CCT2: variants seen among roughly 807,000 people sequenced by gnomAD.
The protein encoded by CCT2 is T-complex protein 1 subunit beta.
CCT2 carries 18 observed loss-of-function variants against 61.8 expected under a neutral mutation model. The ratio of observed to expected loss-of-function variants is 0.29; its 90% CI spans 0.20 to 0.43. The LOEUF is 0.43. CCT2 is among the 20% of genes least tolerant of loss of function. CCT2 has a pLI of 1.00. For synonymous variants in CCT2, 248 were observed against 215.9 expected, an observed-to-expected ratio of 1.15 and a Z score of -1.30; for missense variants, 556 against 656.9, an observed-to-expected ratio of 0.85 and a Z score of 1.68.
rs752528616 is a variant in CCT2 at position 69,597,150 on chromosome 12, T to A, written c.983-6T>A. The A allele has an allele frequency of 6.2e-7, 1 of 1,613,444 alleles. No homozygotes were observed. Among genetic ancestry groups the A allele is most frequent in the South Asian group, 1.1e-5 (1 of 91,020 alleles). ...GCATTTAACTAATACATGTTTATGT[T>A]TATAGGTGGTGAAATTGCCTCTACC... On this transcript the variant is annotated splice_polypyrimidine_tract_variant and splice_region_variant and intron_variant, in intron 10 of 15. Coordinates refer to ENST00000299300, the MANE Select transcript of CCT2 (RefSeq NM_006431.3).
At chr12:69,599,785 A>G in intron 14 of CCT2, 78 bp from the exon 15 acceptor site, 1 of 1,222,114 alleles carries the variant, frequency 8.2e-7, no homozygotes, top group South Asian at 1.5e-5. Flanking sequence ...AATAGGATTA[A>G]TTTTTATTAT....
Position 69,588,156 on chromosome 12 carries a change from G to C in CCT2, c.340G>C (p.Glu114Gln). 1 of 1,612,902 alleles carries C rather than the reference G, an allele frequency of 6.2e-7. No individual in the cohort carries two copies. Among genetic ancestry groups the C allele is most frequent in the South Asian group, 1.1e-5 (1 of 90,960 alleles). The change falls in exon 6 of 16, where the codon GAA becomes CAA. Residue 114 changes from glutamate (E) to glutamine (Q), a missense_variant. Glu to Gln is a conservative substitution (Grantham distance 29). This residue lies in a region of CCT2 where 308 missense variants were observed against 350.6 expected (regional missense o/e 0.88). Transcript: ENST00000299300. ...VLAAELLREA[E>Q]SLIAKKIHPQ... is the part of the protein sequence containing the mutation. ...TTTATAACTTTATTAATAGGAAGCA[G>C]AATCTTTAATTGCAAAAAAGATTCA...
intron 1 of CCT2, 184 bp downstream of exon 1, chr12:69,585,708 G>T (rs564805236): frequency 3.4e-6 from 5 of 1,484,470 alleles, no homozygotes; most frequent in Non-Finnish European, 4.5e-6. Flanking sequence ...CTCACCACGA[G>T]GGGGAGGGGT....
At chr12:69,586,876 TATA>T (rs1049138137) in intron 3 of CCT2, 58 bp downstream of exon 3, 12 of 1,013,896 alleles carry the variant, frequency 1.2e-5, no homozygotes, top group East Asian at 2.5e-5. Flanking sequence ...TTGGTGGAAA[TATA>T]ATAACAAGCG....
At chr12:69,597,056 T>G (rs1385672091) in intron 10 of CCT2, 100 bp from the exon 11 acceptor site, 1 of 1,064,864 alleles carries the variant, frequency 9.4e-7, no homozygotes. Context: ...TTTTAAAATG[T>G]GAAACACATT....
intron 7 of CCT2, 25 bp from the exon 8 acceptor site, chr12:69,592,031 TATG>T: frequency 8.0e-7 from 1 of 1,246,390 alleles, no homozygotes; most frequent in Non-Finnish European, 1.2e-6. Context: ...AAGTATTAAA[TATG>T]ATACTGTTCT....
Position 69,598,355 on chromosome 12 carries a change from G to C in CCT2, c.1369G>C (p.Asp457His). Residue 457 changes from aspartate to histidine, a missense_variant, in exon 14 of 16, where the codon GAC becomes CAC. Transcript: ENST00000299300. ...PTIIADNAGYDSADLVAQLRA... is the reference protein window; with the variant it reads ...PTIIADNAGYHSADLVAQLRA... ...CATCATAGCTGACAATGCAGGCTAT[G>C]ACAGTGCAGACCTGGTGGCACAGCT... The C allele has an allele frequency of 6.2e-7, 1 of 1,603,948 alleles. No individual in the cohort carries two copies.
chr12:69,586,944 C>T (rs894140867), intron 3 of CCT2, 126 bp downstream of exon 3: 2 of 585,502 alleles, frequency 3.4e-6, no homozygotes, highest in African/African-American at 1.9e-5. Flanking sequence ...CAAGTATGTT[C>T]TCCTTAGTAA....
chr12:69,598,817 G>T (rs1882069464), intron 14 of CCT2, among the ~76,000 whole-genome samples: 1 of 152,142 alleles, frequency 6.6e-6, no homozygotes, highest in Non-Finnish European at 1.5e-5. Flanking sequence ...CTAGTCCATA[G>T]ATAAAAGTGG....
intron 6 of CCT2, 24 bp from the exon 7 acceptor site, chr12:69,589,461 G>T (rs1490518191): frequency 3.2e-6 from 5 of 1,570,416 alleles, no homozygotes; most frequent in Non-Finnish European, 4.4e-6. Flanking sequence ...GGGTTAATAT[G>T]TATATTTGGT....
chr12:69,586,642 T>G lies in CCT2; in HGVS notation c.79-111T>G, dbSNP rs1049634518. ...GAGATCGCGCCATTGCACTCCAGCC[T>G]GGGCGACAGAGCGACACTCTGCCTC... is the stretch of plus-strand genomic sequence containing the variant. On this transcript the variant is annotated intron_variant, in intron 2 of 15. Coordinates refer to ENST00000299300, the MANE Select transcript of CCT2 (RefSeq NM_006431.3). 5.0e-6 allele frequency: 4 copies of G among 795,882 alleles called. No individual in the cohort carries two copies. The African/African-American group carries it at 5.3e-5, about 11-fold the overall frequency. The allele number at this position is 795,882 out of a possible 1,614,324, so 49.3% of individuals were successfully genotyped here. A position where few individuals can be genotyped will look rare whatever the true frequency, so the allele number is the denominator to read the frequency against.
chr12:69,587,544 A>G lies in CCT2; in HGVS notation c.184A>G (p.Met62Val), dbSNP rs528348784. 19 of 1,613,766 alleles carry G rather than the reference A, an allele frequency of 1.2e-5. No individual in the cohort carries two copies. The highest frequency in any genetic ancestry group is 3.3e-5 in the Admixed American group (2 of 60,030). ...AAGCAGTGGACGAGATGCCTCTCTT[A>G]TGGTAACCAATGATGGTGCCACTAT... is the stretch of plus-strand genomic sequence containing the variant. ...LLSSGRDASLMVTNDGATILK... is the reference protein window; with the variant it reads ...LLSSGRDASLVVTNDGATILK... The change falls in exon 4 of 16, where the codon ATG becomes GTG. Residue 62 changes from methionine (M) to valine (V), a missense_variant. Around this residue, in one of 3 missense-constraint regions of CCT2, gnomAD observed 308 missense variants for 350.6 expected, o/e 0.88. Transcript: ENST00000299300.
intron 14 of CCT2, 175 bp from the exon 15 acceptor site, chr12:69,599,688 C>G (rs1882093244): frequency 4.3e-6 from 2 of 461,498 alleles, no homozygotes; most frequent in Admixed American, 3.9e-5. Context: ...CACCCGGCCC[C>G]TTTTAATTTT....
intron 10 of CCT2, among the ~76,000 whole-genome samples, chr12:69,594,350 G>GC (rs1881925440): frequency 6.6e-6 from 1 of 152,140 alleles, no homozygotes; most frequent in African/African-American, 2.4e-5. Context: ...TTTACTGTGT[G>GC]CTGGAGAGTG....
intron 6 of CCT2, 192 bp from the exon 7 acceptor site, chr12:69,589,292 TG>T: frequency 3.9e-6 from 2 of 518,780 alleles, no homozygotes; most frequent in African/African-American, 2.1e-5. Flanking sequence ...CTTTTTTTTT[TG>T]GCATTTTGCC....
intron 15 of CCT2, among the ~76,000 whole-genome samples, chr12:69,600,526 C>G (rs576037599): frequency 1.9e-4 from 29 of 152,302 alleles, no homozygotes; most frequent in African/African-American, 7.0e-4. Flanking sequence ...TGAATTTTAA[C>G]TCAGCCTTCC....
intron 7 of CCT2, among the ~76,000 whole-genome samples, chr12:69,591,119 C>T (rs1408576062): frequency 6.6e-6 from 1 of 152,152 alleles, no homozygotes; most frequent in Admixed American, 6.5e-5. Context: ...CTGCTCTGTA[C>T]TAGGAATTGT....
chr12:69,587,803 G>C (rs1881709731), intron 4 of CCT2, 127 bp from the exon 5 acceptor site: 1 of 811,178 alleles, frequency 1.2e-6, no homozygotes. Flanking sequence ...TTGCATTTCA[G>C]ACCTCAGAGT....
chr12:69,596,121 C>T (rs1004284247), intron 10 of CCT2, among the ~76,000 whole-genome samples: 1 of 152,186 alleles, frequency 6.6e-6, no homozygotes, highest in African/African-American at 2.4e-5. Flanking sequence ...TGAAAAGTTT[C>T]ATAAGCCAAG....
Sources: allele counts gnomAD v4.1 joint callset (sites outside exome capture counted in the v4.1 genomes callset), GRCh38; gene constraint gnomAD v4.1.1; regional missense constraint gnomAD v4.1.1; transcripts MANE v1.5; gene names NCBI Gene and HGNC (gene_info 2026-07-23, HGNC 2026-07-21).